The following SLC26A5 variants were observed in gnomAD, a reference collection of about 807,000 sequenced individuals.
SLC26A5 encodes solute carrier family 26 member 5.
A neutral mutation model predicts 81.0 loss-of-function variants in SLC26A5; 51 were observed. The observed-to-expected ratio is 0.63, with a 90% CI of 0.50 to 0.80. The LOEUF (loss-of-function observed/expected upper bound fraction) is 0.80. SLC26A5 is among the 30% of genes least tolerant of loss of function. The pLI is 0.00. For missense variants in SLC26A5, 771 were observed against 905.8 expected (o/e 0.85, Z 1.91); for synonymous variants, 325 against 332.8 (o/e 0.98, Z 0.25).
chr7:103,420,925 C>T, intron 3 of SLC26A5, 48 bp from the exon 4 acceptor site: 2 of 1,564,246 alleles, frequency 1.3e-6, no homozygotes, highest in East Asian at 4.5e-5. Flanking sequence ...TGAGAAACAT[C>T]TCTGTAGAAT....
At chr7:103,421,020 G>C (rs766749193) in intron 3 of SLC26A5, 143 bp from the exon 4 acceptor site, 14 of 886,194 alleles carry the variant, frequency 1.6e-5, no homozygotes, top group Non-Finnish European at 2.3e-5. Flanking sequence ...TGCCAAACAG[G>C]GTAGGAGTCA....
chr7:103,372,880 A>AG (rs1491091949), downstream of SLC26A5, among the ~76,000 whole-genome samples: 30 of 1,534 alleles, frequency 0.02, no homozygotes, highest in African/African-American at 0.022. Flanking sequence ...AGGGAAATCT[A>AG]AAAAAAAAAA....
In SLC26A5 at chr7:103,444,845, C is replaced by G. The variant is rs62480378; in HGVS notation, c.-183+1253G>C. 3.3e-5 allele frequency among the ~76,000 whole-genome samples: 5 copies of G among 152,192 alleles called. No homozygotes were observed. The East Asian group carries it at 9.6e-4, about 29-fold the overall frequency. On this transcript the variant is annotated intron_variant, in intron 1 of 19. Coordinates refer to ENST00000306312, the MANE Select transcript of SLC26A5 (RefSeq NM_198999.3). ...AATGCAAATTAGTTTGAATTTCTCT[C>G]TCTTCCCTCCTGTCCTTTGCCTGAA...
chr7:103,363,566 G>T, intron 19 of SLC26A5: 1 of 787,764 alleles, frequency 1.3e-6, no homozygotes, highest in Non-Finnish European at 2.1e-6. Context: ...TTGAGAGGGT[G>T]GAGAGAGGAG....
intron 14 of SLC26A5, among the ~76,000 whole-genome samples, chr7:103,380,953 TACAC>T (rs1457172726): frequency 6.7e-6 from 1 of 149,914 alleles, no homozygotes; most frequent in Non-Finnish European, 1.5e-5. Context: ...CACATATACA[TACAC>T]ACATGCATAC....
intron 2 of SLC26A5, among the ~76,000 whole-genome samples, chr7:103,440,971 C>A (rs1180291563): frequency 6.6e-6 from 1 of 152,176 alleles, no homozygotes; most frequent in Non-Finnish European, 1.5e-5. Context: ...GCACTGCATG[C>A]ACTGTGTATG....
At chr7:103,375,503 G>A (rs1265214060) in intron 19 of SLC26A5, among the ~76,000 whole-genome samples, 1 of 152,154 alleles carries the variant, frequency 6.6e-6, no homozygotes, top group Non-Finnish European at 1.5e-5. Flanking sequence ...TGCCTATGGA[G>A]CATGGTGTCA....
In SLC26A5 at chr7:103,358,267, T is replaced by C. The variant is rs1335250515; in HGVS notation, c.2042-5341A>G. ...TGTGGCCTAATTTTTCTCTGAAAAT[T>C]GTAGAGTCTTCTCTTGTTCTATTTT... On this transcript the variant is annotated intron_variant, in intron 19 of 19. Coordinates refer to the SLC26A5 transcript ENST00000339444. 2.6e-5 allele frequency among the ~76,000 whole-genome samples: 4 copies of C among 152,196 alleles called. 1 individual carries two copies. Among genetic ancestry groups the C allele is most frequent in the Admixed American group, 2.6e-4 (4 of 15,276 alleles).
intron 2 of SLC26A5, among the ~76,000 whole-genome samples, chr7:103,431,866 CTT>C (rs5886254): frequency 6.7e-5 from 10 of 148,286 alleles, no homozygotes; most frequent in African/African-American, 2.2e-4. Context: ...AATTATATGG[CTT>C]TTTTTTTTTA....
intron 1 of SLC26A5, among the ~76,000 whole-genome samples, chr7:103,444,507 C>A (rs1827128947): frequency 1.3e-5 from 2 of 152,228 alleles, no homozygotes; most frequent in African/African-American, 4.8e-5. Context: ...CTACACCTCA[C>A]AAGGCAATCC....
chr7:103,356,126 G>A (rs1286693550), intron 19 of SLC26A5, among the ~76,000 whole-genome samples: 2 of 150,530 alleles, frequency 1.3e-5, no homozygotes, highest in African/African-American at 2.4e-5. Context: ...GTATCTTCCT[G>A]TATTTGCATG....
intron 4 of SLC26A5, among the ~76,000 whole-genome samples, chr7:103,415,061 T>C (rs1355464775): frequency 6.6e-6 from 1 of 152,202 alleles, no homozygotes; most frequent in East Asian, 1.9e-4. Flanking sequence ...AATAAGCCCT[T>C]TTTATTCTCA....
At chr7:103,362,153 T>A (rs1333003033) in intron 19 of SLC26A5, 1 of 1,599,460 alleles carries the variant, frequency 6.3e-7, no homozygotes, top group Non-Finnish European at 8.5e-7. Flanking sequence ...ATTCATATCC[T>A]TGGCTTTGTA....
downstream of SLC26A5, among the ~76,000 whole-genome samples, chr7:103,372,673 G>A (rs1821103282): frequency 6.6e-6 from 1 of 152,114 alleles, no homozygotes; most frequent in Non-Finnish European, 1.5e-5. Flanking sequence ...AACTTCTAAG[G>A]AAGATTTAAG....
chr7:103,415,419 G>A (rs760635735), intron 4 of SLC26A5, among the ~76,000 whole-genome samples: 1 of 152,026 alleles, frequency 6.6e-6, no homozygotes, highest in African/African-American at 2.4e-5. Context: ...AAAGGAGAGC[G>A]CTCCCCCACC....
At chr7:103,423,284 A>G (rs558074772) in intron 2 of SLC26A5, among the ~76,000 whole-genome samples, 1 of 152,236 alleles carries the variant, frequency 6.6e-6, no homozygotes, top group South Asian at 2.1e-4. Context: ...AAGGCAACAA[A>G]ACAAATTGAA....
chr7:103,369,943 T>C (rs1207840586), downstream of SLC26A5, among the ~76,000 whole-genome samples: 1 of 152,210 alleles, frequency 6.6e-6, no homozygotes, highest in Admixed American at 6.5e-5. Flanking sequence ...CTGGTACAGC[T>C]TTCTCAAAGG....
At chr7:103,353,918 C>T in intron 19 of SLC26A5, 1 of 1,603,396 alleles carries the variant, frequency 6.2e-7, no homozygotes, top group African/African-American at 1.3e-5. Context: ...TCTCTTCTTT[C>T]AGCTCTGGAT....
rs987514087 is a variant in SLC26A5, at chr7:103,404,113, G to A, written c.888+3738C>T. On this transcript the variant is annotated intron_variant, in intron 8 of 19. Transcript: ENST00000306312. ...CAGGAGAATTGCTTGAACCCGGGAAGCGGAAGTTGCAGTGAACCGAGATCG... is the reference window on the plus strand; with the variant it reads ...CAGGAGAATTGCTTGAACCCGGGAAACGGAAGTTGCAGTGAACCGAGATCG... 3.9e-5 allele frequency among the ~76,000 whole-genome samples: 6 copies of A among 152,092 alleles called. 1 individual carries two copies. Among genetic ancestry groups the A allele is most frequent in the Middle Eastern group, 6.3e-3 (2 of 316 alleles).
Sources: gnomAD v4.1 joint callset for allele counts (sites outside exome capture counted in the v4.1 genomes callset) on GRCh38, gnomAD v4.1.1 for gene constraint, MANE v1.5 for transcripts, NCBI Gene and HGNC (gene_info 2026-07-23, HGNC 2026-07-21) for gene names.